RPS6KA2: variants seen among roughly 807,000 people sequenced by gnomAD.
The protein encoded by RPS6KA2 is ribosomal protein S6 kinase alpha-2.
In RPS6KA2, 42 loss-of-function variants were observed where a neutral mutation model predicts 91.8. The ratio of observed to expected loss-of-function variants is 0.46; its 90% CI spans 0.36 to 0.59. The LOEUF is 0.59. RPS6KA2 is among the 20% of genes least tolerant of loss of function. The pLI is 0.00. For synonymous variants in RPS6KA2, 414 were observed against 393.6 expected, an observed-to-expected ratio of 1.05 and a Z score of -0.61; for missense variants, 798 against 978.5, an observed-to-expected ratio of 0.82 and a Z score of 2.46.
chr6:166,796,401 C>T (rs1296164880), intron 2 of RPS6KA2, among the ~76,000 whole-genome samples: 2 of 152,032 alleles, frequency 1.3e-5, no homozygotes, highest in Non-Finnish European at 2.9e-5. Context: ...CCATCCTGGC[C>T]AACATGATAA....
chr6:166,709,363 C>G (rs1017990396), intron 2 of RPS6KA2, among the ~76,000 whole-genome samples: 24 of 149,712 alleles, frequency 1.6e-4, no homozygotes, highest in African/African-American at 5.9e-4. Context: ...TAAGTTGGCT[C>G]ACGCCTGTCA....
intron 2 of RPS6KA2, among the ~76,000 whole-genome samples, chr6:166,538,132 G>T (rs1055583644): frequency 3.9e-5 from 6 of 152,168 alleles, no homozygotes; most frequent in Non-Finnish European, 8.8e-5. Flanking sequence ...TGGAACAACT[G>T]TATAAAGTAG....
At chr6:166,465,496 A>G (rs1472763321) in intron 11 of RPS6KA2, 3 of 152,304 alleles carry the variant, frequency 2.0e-5, no homozygotes, top group African/African-American at 7.2e-5. Context: ...ATCAGCTGAG[A>G]TGGGGGGACC....
At chr6:166,440,673 A>C (rs190261634) in intron 14 of RPS6KA2, among the ~76,000 whole-genome samples, 2 of 152,368 alleles carry the variant, frequency 1.3e-5, no homozygotes, top group African/African-American at 4.8e-5. Flanking sequence ...CTAGGATTTG[A>C]CATTATCAGC....
intron 2 of RPS6KA2, among the ~76,000 whole-genome samples, chr6:166,669,900 A>C (rs9348168): frequency 0.18 from 27,274 of 152,160 alleles, 2,467 homozygotes; most frequent in South Asian, 0.23. Context: ...TGCAGGTGTG[A>C]TAGCAAGGAG....
chr6:166,691,415 C>T (rs201077569), intron 2 of RPS6KA2, among the ~76,000 whole-genome samples: 9 of 152,176 alleles, frequency 5.9e-5, no homozygotes, highest in African/African-American at 1.9e-4. Context: ...TAACTCTTCT[C>T]GTGTGTCACT....
intron 3 of RPS6KA2, among the ~76,000 whole-genome samples, chr6:166,520,649 G>T (rs1254397615): frequency 1.3e-5 from 2 of 152,244 alleles, no homozygotes; most frequent in Non-Finnish European, 2.9e-5. Flanking sequence ...GTAATGGGTA[G>T]AGGTTGGAAG....
chr6:166,520,016 G>C (rs1038129193), intron 3 of RPS6KA2, among the ~76,000 whole-genome samples: 6 of 152,024 alleles, frequency 3.9e-5, no homozygotes, highest in African/African-American at 1.5e-4. Flanking sequence ...CCCCTATATG[G>C]GCAGGCACCA....
intron 1 of RPS6KA2, among the ~76,000 whole-genome samples, chr6:166,550,842 A>AC (rs1783990281): frequency 1.3e-5 from 2 of 152,020 alleles, no homozygotes; most frequent in Admixed American, 1.3e-4. Flanking sequence ...CTCTACTAAA[A>AC]TACAAAAAAT....
upstream of RPS6KA2, chr6:166,627,932 G>GCCCTCCGCGGAACCGGCGCCTT: frequency 6.6e-6 from 1 of 152,182 alleles, no homozygotes; most frequent in African/African-American, 2.4e-5. Context: ...GCCAGGAGCC[G>GCCCTCCGCGGAACCGGCGCCTT]CCCTCCGCGG....
intron 2 of RPS6KA2, among the ~76,000 whole-genome samples, chr6:166,710,463 T>C (rs2128579921): frequency 6.9e-6 from 1 of 144,982 alleles, no homozygotes; most frequent in East Asian, 2.1e-4. Context: ...GTGGGGTATA[T>C]GTGTATGGTA....
At chr6:166,689,511 C>T (rs1489453930) in intron 2 of RPS6KA2, among the ~76,000 whole-genome samples, 1 of 152,124 alleles carries the variant, frequency 6.6e-6, no homozygotes, top group Non-Finnish European at 1.5e-5. Flanking sequence ...CTGAGCATGG[C>T]CAGTTCCGAT....
intron 19 of RPS6KA2, among the ~76,000 whole-genome samples, chr6:166,417,533 C>G (rs981529170): frequency 7.2e-5 from 11 of 152,182 alleles, no homozygotes; most frequent in Admixed American, 7.2e-4. Flanking sequence ...CCTTGGGGCT[C>G]CAGCCTGCCG....
At chr6:166,582,248 C>T (rs1785045727) in intron 1 of RPS6KA2, among the ~76,000 whole-genome samples, 1 of 152,140 alleles carries the variant, frequency 6.6e-6, no homozygotes, top group African/African-American at 2.4e-5. Flanking sequence ...AGAGGGTGAG[C>T]ACAGTGGCCA....
Position 166,410,690 on chromosome 6 carries a change from A to T in RPS6KA2, c.*2072T>A, listed in dbSNP as rs1180200056. 6.6e-6 allele frequency: 1 copy of T among 152,094 alleles called. No homozygotes were observed. The highest frequency in any genetic ancestry group is 1.5e-5 in the Non-Finnish European group (1 of 68,036). 9.4% of individuals were successfully genotyped at this position (152,094 alleles called of 1,614,324 possible). On this transcript the variant is annotated 3_prime_UTR_variant, in exon 21 of 21. Coordinates refer to ENST00000265678, the MANE Select transcript of RPS6KA2 (RefSeq NM_021135.6). The stretch of plus-strand genomic sequence containing the variant: ...TGCCCCATGGGCACACAAGGAGGGA[A>T]AACCGTGGCCGCTTTCTCACGGATG...
intron 3 of RPS6KA2, among the ~76,000 whole-genome samples, chr6:166,511,925 C>T (rs979603887): frequency 5.9e-5 from 9 of 152,092 alleles, no homozygotes. Context: ...CCATGCAGCC[C>T]AGCAACTCTG....
intron 2 of RPS6KA2, among the ~76,000 whole-genome samples, chr6:166,745,238 G>C (rs887818213): frequency 1.4e-5 from 2 of 148,104 alleles, no homozygotes; most frequent in African/African-American, 5.0e-5. Context: ...TGCAACCTCT[G>C]CCTCCTGGGT....
intron 1 of RPS6KA2, among the ~76,000 whole-genome samples, chr6:166,591,141 G>A (rs896199152): frequency 5.3e-5 from 8 of 152,314 alleles, no homozygotes; most frequent in East Asian, 3.9e-4. Context: ...TTTCACAGTC[G>A]CCCAGGCACT....
At chr6:166,756,531 C>T (rs1202673) in intron 2 of RPS6KA2, among the ~76,000 whole-genome samples, 98,425 of 152,106 alleles carry the variant, frequency 0.65, 31,905 homozygotes, top group South Asian at 0.74. Flanking sequence ...ATTATAAACA[C>T]GTTTGGGTTA....
Sources: gnomAD v4.1 joint callset for allele counts (sites outside exome capture counted in the v4.1 genomes callset) on GRCh38, gnomAD v4.1.1 for gene constraint, MANE v1.5 for transcripts, NCBI Gene and HGNC (gene_info 2026-07-23, HGNC 2026-07-21) for gene names.